Variants in CLYBL observed in about 807,000 individuals in gnomAD.
The protein encoded by CLYBL is citramalyl-CoA lyase.
A neutral mutation model predicts 38.9 loss-of-function variants in CLYBL; 31 were observed. The ratio of observed to expected loss-of-function variants is 0.80; its 90% CI spans 0.60 to 1.08. The LOEUF is 1.08. Among genes scored for constraint, CLYBL ranks in the 50% least tolerant of loss-of-function variants. CLYBL has a pLI of 0.00. For synonymous variants in CLYBL, 171 were observed against 158.6 expected (o/e 1.08, Z -0.59); for missense variants, 434 against 411.6 (o/e 1.05, Z -0.47).
intron 1 of CLYBL, among the ~76,000 whole-genome samples, chr13:99,768,357 G>A (rs369564160): frequency 1.3e-5 from 2 of 151,120 alleles, no homozygotes; most frequent in East Asian, 1.9e-4. Flanking sequence ...ACCACACCCC[G>A]CTGATTTTTG....
intron 8 of CLYBL, among the ~76,000 whole-genome samples, chr13:99,902,343 G>A (rs952538784): frequency 6.6e-6 from 1 of 152,146 alleles, no homozygotes; most frequent in African/African-American, 2.4e-5. Flanking sequence ...TTTAAAATAT[G>A]ATCAGTCTTT....
intron 2 of CLYBL, among the ~76,000 whole-genome samples, chr13:99,818,321 T>G (rs969057262): frequency 6.6e-6 from 1 of 151,840 alleles, no homozygotes; most frequent in African/African-American, 2.4e-5. Context: ...CACAAAACTT[T>G]TCACTCTCTG....
chr13:99,769,727 C>G (rs2049342315), intron 1 of CLYBL, among the ~76,000 whole-genome samples: 1 of 152,176 alleles, frequency 6.6e-6, no homozygotes, highest in African/African-American at 2.4e-5. Context: ...CCATCTCTAT[C>G]TCACCATACC....
chr13:99,859,922 G>A (rs1273099587), intron 3 of CLYBL, among the ~76,000 whole-genome samples: 1 of 152,084 alleles, frequency 6.6e-6, no homozygotes, highest in Non-Finnish European at 1.5e-5. Flanking sequence ...CGGGGCGAGT[G>A]GGCAGTGGTG....
At position 99,865,230 on chromosome 13, in the gene CLYBL, A is replaced by AC; in HGVS notation, c.634+320dup. On this transcript the variant is annotated intron_variant, in intron 5 of 8. Coordinates refer to ENST00000339105, the MANE Select transcript of CLYBL (RefSeq NM_206808.5). The surrounding 1 kb of genome is among the most constrained non-coding windows in gnomAD (Gnocchi z 4.7). ...TGCTCCTAATAAATATATTATGTGAACAGCCTCACCGTTGCTTCAGTATTT... is the reference window on the plus strand; with the variant it reads ...TGCTCCTAATAAATATATTATGTGAACCAGCCTCACCGTTGCTTCAGTATTT... 1 of 363,598 alleles carries AC rather than the reference A, an allele frequency of 2.8e-6. No individual in the cohort carries two copies. Among genetic ancestry groups the AC allele is most frequent in the East Asian group, 6.9e-5 (1 of 14,452 alleles). 22.5% of individuals were successfully genotyped at this position (363,598 alleles called of 1,614,324 possible). A position where few individuals can be genotyped will look rare whatever the true frequency, so the allele number is the denominator to read the frequency against.
At chr13:99,609,480 G>A (rs2046592791) in intron 1 of CLYBL, among the ~76,000 whole-genome samples, 1 of 151,916 alleles carries the variant, frequency 6.6e-6, no homozygotes, top group South Asian at 2.1e-4. Flanking sequence ...CAGCCGACCT[G>A]TTTTTAGGTT....
At chr13:99,896,081 C>T (rs1488041444), downstream of CLYBL, 1 of 150,864 alleles carries the variant, frequency 6.6e-6, no homozygotes, top group Non-Finnish European at 1.5e-5. Context: ...CGCCCGCGCC[C>T]CCGGTGCGCG....
chr13:99,843,036 C>T (rs2051121800), intron 2 of CLYBL, among the ~76,000 whole-genome samples: 1 of 152,154 alleles, frequency 6.6e-6, no homozygotes, highest in Non-Finnish European at 1.5e-5. Context: ...CCATCTTTCA[C>T]ATGAGGAAAC....
chr13:99,820,235 G>A (rs1364485190), intron 2 of CLYBL, among the ~76,000 whole-genome samples: 1 of 152,222 alleles, frequency 6.6e-6, no homozygotes, highest in African/African-American at 2.4e-5. Flanking sequence ...TGGGCTTTAA[G>A]GTGAACATTG....
intron 6 of CLYBL, among the ~76,000 whole-genome samples, chr13:99,867,923 A>G (rs961434903): frequency 2.0e-4 from 31 of 152,174 alleles, no homozygotes; most frequent in African/African-American, 7.2e-4. Context: ...TGGGAGCTGG[A>G]GAGTGTCTCC....
chr13:99,637,233 T>C (rs1266485772), intron 1 of CLYBL, among the ~76,000 whole-genome samples: 1 of 152,198 alleles, frequency 6.6e-6, no homozygotes, highest in African/African-American at 2.4e-5. Context: ...TTTGCCATTG[T>C]GCTCACCCAA....
chr13:99,731,339 A>G (rs1274433063), intron 1 of CLYBL, among the ~76,000 whole-genome samples: 1 of 151,536 alleles, frequency 6.6e-6, no homozygotes, highest in Non-Finnish European at 1.5e-5. Flanking sequence ...CTTTAAGAAA[A>G]AAAAAAAAAA....
chr13:99,848,201 C>T lies in CLYBL; in HGVS notation c.250-10660C>T, dbSNP rs142284039. Among the ~76,000 whole-genome samples, 55 of 152,224 alleles carry T rather than the reference C, an allele frequency of 3.6e-4. 1 individual carries two copies. The highest frequency in any genetic ancestry group is 2.0e-3 in the Admixed American group (30 of 15,288). On this transcript the variant is annotated intron_variant, in intron 2 of 8. Coordinates refer to ENST00000339105, the MANE Select transcript of CLYBL (RefSeq NM_206808.5). ...CAACCCCCTTCTCAGCTTGAGGTGC[C>T]GTCCCCTGCTTCTAAGTCCCAAGGG...
At chr13:99,784,449 C>CTCTGTTTTTT (rs71121010) in intron 2 of CLYBL, among the ~76,000 whole-genome samples, 1 of 52,098 alleles carries the variant, frequency 1.9e-5, no homozygotes, top group Non-Finnish European at 3.8e-5. Context: ...AAAATTCTCT[C>CTCTGTTTTTT]TTTTTTTTTT....
In CLYBL at chr13:99,616,726, T is replaced by C. The variant is rs527596115; in HGVS notation, c.62+9969T>C. ...ATTCCAGCACTTTGAGAGGCTGAAG[T>C]GGACCGATCACTTGAGGTCAGAAGT... is the stretch of plus-strand genomic sequence containing the variant. On this transcript the variant is annotated intron_variant, in intron 1 of 8. Transcript: ENST00000339105. 1.1e-4 allele frequency among the ~76,000 whole-genome samples: 16 copies of C among 152,250 alleles called. No individual in the cohort carries two copies. The East Asian group carries it at 2.9e-3, about 28-fold the overall frequency.
At chr13:99,847,954 G>T (rs1395831058) in intron 2 of CLYBL, among the ~76,000 whole-genome samples, 1 of 152,034 alleles carries the variant, frequency 6.6e-6, no homozygotes, top group East Asian at 1.9e-4. Context: ...GCTCTCCATT[G>T]TCTGCCTGTC....
At chr13:99,901,654 T>TG (rs199847298), downstream of CLYBL, among the ~76,000 whole-genome samples, 1,182 of 141,982 alleles carry the variant, frequency 8.3e-3, 12 homozygotes, top group African/African-American at 0.016. Context: ...TGTTTTTTTT[T>TG]TTTGTTTGTT....
intron 1 of CLYBL, among the ~76,000 whole-genome samples, chr13:99,644,711 C>T (rs2047151375): frequency 6.6e-6 from 1 of 152,128 alleles, no homozygotes; most frequent in Non-Finnish European, 1.5e-5. Flanking sequence ...TAGTCTCTGT[C>T]CCCATGATTT....
chr13:99,887,861 T>C (rs1205913719), intron 7 of CLYBL, among the ~76,000 whole-genome samples: 3 of 151,976 alleles, frequency 2.0e-5, no homozygotes, highest in Non-Finnish European at 4.4e-5. Flanking sequence ...TTTGGGGTTT[T>C]TTTTTTTTTT....
Sources: gnomAD v4.1 joint callset for allele counts (sites outside exome capture counted in the v4.1 genomes callset) on GRCh38, gnomAD v4.1.1 for gene constraint, Gnocchi (gnomAD v3.1) non-coding constraint, MANE v1.5 for transcripts, NCBI Gene and HGNC (gene_info 2026-07-23, HGNC 2026-07-21) for gene names.